Variants in ZHX1 observed in about 807,000 individuals in gnomAD.
ZHX1 encodes zinc fingers and homeoboxes 1, also known as zinc fingers and homeoboxes protein 1.
ZHX1 carries 20 observed loss-of-function variants against 61.8 expected under a neutral mutation model. That is an observed-to-expected ratio of 0.32 (90% confidence interval 0.23 to 0.47). The LOEUF (loss-of-function observed/expected upper bound fraction) is 0.47. Among genes scored for constraint, ZHX1 ranks in the 20% least tolerant of loss-of-function variants. ZHX1 has a pLI of 1.00. For synonymous variants in ZHX1, 318 were observed against 352.6 expected (o/e 0.90, Z 1.10); for missense variants, 800 against 1,034.8 (o/e 0.77, Z 3.11).
rs1186753621 is a variant in ZHX1, at chr8:123,267,297, G to A, written c.-250C>T. On this transcript the variant is annotated 5_prime_UTR_variant, in exon 2 of 4. Transcript: ENST00000395571. ...CTTGCCACAGCTTCCTTAGCATTCT[G>A]TTCTTTGAAATGGAAGGGTATCCCT... 1 of 1,530,394 alleles carries A rather than the reference G, an allele frequency of 6.5e-7. No individual in the cohort carries two copies. Among genetic ancestry groups the A allele is most frequent in the Non-Finnish European group, 8.7e-7 (1 of 1,143,242 alleles). 94.8% of individuals were successfully genotyped at this position (1,530,394 alleles called of 1,614,324 possible). A position where few individuals can be genotyped will look rare whatever the true frequency, so the allele number is the denominator to read the frequency against.
At chr8:123,267,415 A>G (rs914265139) in intron 1 of ZHX1, 29 bp from the exon 2 acceptor site, 11 of 669,086 alleles carry the variant, frequency 1.6e-5, no homozygotes, top group Non-Finnish European at 2.2e-6. Context: ...TTATTATTCT[A>G]GATATAATTT....
chr8:123,266,847 G>T (rs1826475826), intron 2 of ZHX1, among the ~76,000 whole-genome samples: 1 of 152,026 alleles, frequency 6.6e-6, no homozygotes, highest in East Asian at 1.9e-4. Flanking sequence ...CCTACGTTTT[G>T]AAAATACAGT....
chr8:123,269,384 G>A (rs1301973142), intron 1 of ZHX1, among the ~76,000 whole-genome samples: 1 of 152,164 alleles, frequency 6.6e-6, no homozygotes, highest in East Asian at 1.9e-4. Flanking sequence ...CTAGTTGCCT[G>A]ATGTTATTTA....
In ZHX1 at chr8:123,254,602, T is replaced by G. The variant is rs368339951; in HGVS notation, c.1345A>C (p.Thr449Pro). 6.2e-7 allele frequency: 1 copy of G among 1,614,228 alleles called. No homozygotes were observed. Among genetic ancestry groups the G allele is most frequent in the South Asian group, 1.1e-5 (1 of 91,092 alleles). The change falls in exon 3 of 4, where the codon ACT (threonine) becomes CCT (proline). Residue 449 changes from threonine (T) to proline (P), a missense_variant. Transcript: ENST00000395571. This position sits in a 1 kb window ranked among gnomAD's most constrained non-coding sequence, Gnocchi z 4.1. ...ETKPATAAVPTSQSVKHETAL... is the reference protein window; with the variant it reads ...ETKPATAAVPPSQSVKHETAL... Reference sequence around the variant, plus strand: ...GTTTCATGTTTGACACTTTGAGAAGTTGGAACTGCTGCTGTTGCTGGCTTT... The same window carrying G: ...GTTTCATGTTTGACACTTTGAGAAGGTGGAACTGCTGCTGTTGCTGGCTTT...
At chr8:123,265,333 T>C (rs1826421783) in intron 2 of ZHX1, among the ~76,000 whole-genome samples, 1 of 152,164 alleles carries the variant, frequency 6.6e-6, no homozygotes, top group Non-Finnish European at 1.5e-5. Flanking sequence ...TTTGTATATA[T>C]ACCGAGAATG....
rs1160659969 is a variant in ZHX1, at chr8:123,248,821, A to G, written c.*1503T>C. Reference sequence around the variant, plus strand: ...TTTTAAACGTGTAAAAGAAAAAAAAAAAGCTTAGTGCATTACGGTCTTTAC... The same window carrying G: ...TTTTAAACGTGTAAAAGAAAAAAAAGAAGCTTAGTGCATTACGGTCTTTAC... On this transcript the variant is annotated 3_prime_UTR_variant, in exon 4 of 4. Transcript: ENST00000395571. 6.6e-6 allele frequency: 1 copy of G among 152,552 alleles called. No homozygotes were observed. Among genetic ancestry groups the G allele is most frequent in the African/African-American group, 2.4e-5 (1 of 41,460 alleles). The allele number at this position is 152,552 out of a possible 1,614,324, so 9.4% of individuals were successfully genotyped here. A position where few individuals can be genotyped will look rare whatever the true frequency, so the allele number is the denominator to read the frequency against.
Position 123,255,383 on chromosome 8 carries a change from T to A in ZHX1, c.564A>T (p.Lys188Asn). ...ISKTPIMKMMKNKVENKRIAV... is the reference protein window; with the variant it reads ...ISKTPIMKMMNNKVENKRIAV... ...CAATCCGTTTATTTTCCACTTTATT[T>A]TTCATCATTTTCATGATAGGAGTTT... The change falls in exon 3 of 4, where the codon AAA becomes AAT. Residue 188 changes from lysine (K) to asparagine (N), a missense_variant. Coordinates refer to ENST00000395571, the MANE Select transcript of ZHX1 (RefSeq NM_007222.5). The A allele has an allele frequency of 1.2e-6, 2 of 1,613,678 alleles. No homozygotes were observed. The highest frequency in any genetic ancestry group is 1.7e-6 in the Non-Finnish European group (2 of 1,179,982).
chr8:123,265,479 TACAA>T (rs561476100), intron 2 of ZHX1, among the ~76,000 whole-genome samples: 25 of 152,174 alleles, frequency 1.6e-4, no homozygotes, highest in Admixed American at 1.1e-3. Flanking sequence ...GCCTAAACAG[TACAA>T]ACAAAGAATT....
Position 123,259,879 on chromosome 8 carries a change from G to A in ZHX1, c.-225-3708C>T, listed in dbSNP as rs576975348. 1.6e-4 allele frequency among the ~76,000 whole-genome samples: 25 copies of A among 152,296 alleles called. No homozygotes were observed. In the East Asian group the frequency reaches 4.4e-3, roughly 27 times the overall value. ...AAAACAGATAAAAGAGAAGCCATCG[G>A]CCAGGCACAGTGGCTCACGCCTTTA... On this transcript the variant is annotated intron_variant, in intron 2 of 3. Coordinates refer to ENST00000395571, the MANE Select transcript of ZHX1 (RefSeq NM_007222.5).
intron 1 of ZHX1, among the ~76,000 whole-genome samples, chr8:123,272,973 A>AT (rs148214782): frequency 0.066 from 9,604 of 144,958 alleles, 374 homozygotes; most frequent in South Asian, 0.11. Context: ...AGCTCTTCGC[A>AT]TTTTTTTTTT....
chr8:123,248,554 A>C lies in ZHX1; in HGVS notation c.*1770T>G, dbSNP rs968669616. ...AAATAAATATATTTAAAAGCTAGCA[A>C]ACGTCAGAGAAGAGTTTTATCAGGC... On this transcript the variant is annotated 3_prime_UTR_variant, in exon 4 of 4. Coordinates refer to ENST00000395571, the MANE Select transcript of ZHX1 (RefSeq NM_007222.5). The C allele has an allele frequency of 2.0e-5, 3 of 152,308 alleles. No individual in the cohort carries two copies. The highest frequency in any genetic ancestry group is 7.2e-5 in the African/African-American group (3 of 41,434). 9.4% of individuals were successfully genotyped at this position (152,308 alleles called of 1,614,324 possible).
At chr8:123,267,776 C>T (rs1375704107) in intron 1 of ZHX1, among the ~76,000 whole-genome samples, 2 of 152,088 alleles carry the variant, frequency 1.3e-5, no homozygotes, top group African/African-American at 4.8e-5. Context: ...CCAAGGCCGG[C>T]GGATCACCTG....
intron 1 of ZHX1, among the ~76,000 whole-genome samples, chr8:123,272,198 T>C (rs571280456): frequency 2.9e-4 from 44 of 152,384 alleles, no homozygotes; most frequent in Middle Eastern, 3.4e-3. Context: ...ATCATCACTA[T>C]CATCAGTTAC....
chr8:123,254,982 T>G lies in ZHX1; in HGVS notation c.965A>C (p.Lys322Thr). ...TATCTTGATCTGTTCCTCTGTATAT[T>G]TTGCTTGAGCAGAAAGAACTGTAAT... ...SEITVLSAQA[K>T]YTEEQIKIWF... The change falls in exon 3 of 4, where the codon AAA becomes ACA. Residue 322 changes from lysine to threonine, a missense_variant. By Grantham distance (78) the Lys-to-Thr change is moderately conservative. Transcript: ENST00000395571. The surrounding 1 kb of genome is among the most constrained non-coding windows in gnomAD (Gnocchi z 4.1). 1 of 1,614,204 alleles carries G rather than the reference T, an allele frequency of 6.2e-7. No homozygotes were observed. The highest frequency in any genetic ancestry group is 8.5e-7 in the Non-Finnish European group (1 of 1,180,018).
chr8:123,256,625 G>A (rs554143603), intron 2 of ZHX1, among the ~76,000 whole-genome samples: 3 of 151,980 alleles, frequency 2.0e-5, no homozygotes, highest in Non-Finnish European at 2.9e-5. Flanking sequence ...TTAGCCAGGC[G>A]TGGTGGCAGG....
In ZHX1 at chr8:123,255,124, A is replaced by T. The variant is rs767384028; in HGVS notation, c.823T>A (p.Leu275Met). ...ACAGGGATTAAGACTTTGGGAATCAAATTAGAATTCTGCTGAGCAGATACA... is the reference window on the plus strand; with the variant it reads ...ACAGGGATTAAGACTTTGGGAATCATATTAGAATTCTGCTGAGCAGATACA... Reference protein sequence around the residue: ...TAVSAQQNSNLIPKVLIPVNS... With the variant: ...TAVSAQQNSNMIPKVLIPVNS... The change falls in exon 3 of 4, where the codon TTG (leucine) becomes ATG (methionine). Residue 275 changes from leucine to methionine, a missense_variant. Leu to Met is a conservative substitution (Grantham distance 15, BLOSUM62 2). Coordinates refer to ENST00000395571, the MANE Select transcript of ZHX1 (RefSeq NM_007222.5). 2 of 1,614,230 alleles carry T rather than the reference A, an allele frequency of 1.2e-6. No individual in the cohort carries two copies. The highest frequency in any genetic ancestry group is 2.2e-5 in the South Asian group (2 of 91,086).
Position 123,269,120 on chromosome 8 carries a change from T to G in ZHX1, c.-339-1734A>C, listed in dbSNP as rs573748139. Among the ~76,000 whole-genome samples, 56 of 152,330 alleles carry G rather than the reference T, an allele frequency of 3.7e-4. No homozygotes were observed. The South Asian group carries it at 0.011, about 31-fold the overall frequency. ...GGTATCTCCTTGTTCCGCCACTCGT[T>G]AGCCATCAATCTACAGGATGTGGAC... is the stretch of plus-strand genomic sequence containing the variant. On this transcript the variant is annotated intron_variant, in intron 1 of 3. Coordinates refer to ENST00000395571, the MANE Select transcript of ZHX1 (RefSeq NM_007222.5).
intron 3 of ZHX1, among the ~76,000 whole-genome samples, chr8:123,250,860 C>A (rs1416123976): frequency 6.6e-6 from 1 of 152,176 alleles, no homozygotes; most frequent in Non-Finnish European, 1.5e-5. Flanking sequence ...TTTAAAAAGG[C>A]ATGCTTCTAT....
At chr8:123,269,104 T>C (rs1826559723) in intron 1 of ZHX1, among the ~76,000 whole-genome samples, 2 of 152,198 alleles carry the variant, frequency 1.3e-5, no homozygotes, top group Admixed American at 6.5e-5. Context: ...TGGTATCTCC[T>C]TGTTCCGCCA....
Sources: gnomAD v4.1 joint callset for allele counts (sites outside exome capture counted in the v4.1 genomes callset) on GRCh38, gnomAD v4.1.1 for gene constraint, Gnocchi (gnomAD v3.1) non-coding constraint, MANE v1.5 for transcripts, NCBI Gene and HGNC (gene_info 2026-07-23, HGNC 2026-07-21) for gene names.